Variants in RAB5B observed in about 807,000 individuals in gnomAD.
The protein encoded by RAB5B is RAB5B, member RAS oncogene family.
Under a neutral mutation model 28.6 loss-of-function variants are expected in RAB5B, and 11 were observed. The observed-to-expected ratio is 0.38, with a 90% CI of 0.24 to 0.64. The LOEUF (loss-of-function observed/expected upper bound fraction) is 0.64, where lower values mean the gene tolerates loss of function less well. RAB5B is among the 30% of genes least tolerant of loss of function. The pLI is 0.53. For synonymous variants in RAB5B, 93 were observed against 97.9 expected (o/e 0.95, Z 0.29); for missense variants, 169 against 265.6 (o/e 0.64, Z 2.53).
At position 55,995,993 on chromosome 12, in the gene RAB5B, A is replaced by ATTTTTT. The variant is rs1329207894; in HGVS notation, c.*3782_*3783insTTTTTT. 2.0e-5 allele frequency: 2 copies of ATTTTTT among 101,954 alleles called. No individual in the cohort carries two copies. Among genetic ancestry groups the ATTTTTT allele is most frequent in the Non-Finnish European group, 3.7e-5 (2 of 53,806 alleles). The allele number at this position is 101,954 out of a possible 1,614,324, so 6.3% of individuals were successfully genotyped here. A position where few individuals can be genotyped will look rare whatever the true frequency, so the allele number is the denominator to read the frequency against. On this transcript the variant is annotated 3_prime_UTR_variant, in exon 6 of 6. Coordinates refer to ENST00000360299, the MANE Select transcript of RAB5B (RefSeq NM_002868.4). ...TCTCCATATATATATACATATATATATATATATATATTTTTTTTTTAACAA... is the reference window on the plus strand; with the variant it reads ...TCTCCATATATATATACATATATATATTTTTTTATATATATATTTTTTTTTTAACAA...
At chr12:55,984,727 C>T (rs921548769) in intron 1 of RAB5B, among the ~76,000 whole-genome samples, 2 of 151,994 alleles carry the variant, frequency 1.3e-5, no homozygotes, top group African/African-American at 4.8e-5. Flanking sequence ...TGATCCACCT[C>T]AGCCTCCCAA....
intron 2 of RAB5B, among the ~76,000 whole-genome samples, chr12:55,988,935 C>CTTTTTTTTTTTT (rs35994383): frequency 5.3e-5 from 5 of 94,680 alleles, no homozygotes; most frequent in Non-Finnish European, 8.3e-5. Context: ...CTAATTAATT[C>CTTTTTTTTTTTT]TTTTTTTTTT....
chr12:55,979,176 C>T (rs1019506747), intron 1 of RAB5B, among the ~76,000 whole-genome samples: 1 of 152,038 alleles, frequency 6.6e-6, no homozygotes, highest in African/African-American at 2.4e-5. Context: ...AACATTTGAG[C>T]TTGGTCTTAT....
intron 1 of RAB5B, among the ~76,000 whole-genome samples, chr12:55,983,988 C>T (rs574095055): frequency 3.3e-5 from 5 of 151,982 alleles, no homozygotes; most frequent in South Asian, 2.1e-4. Flanking sequence ...TTCTCTGTAC[C>T]ACTTTCATAT....
At chr12:55,990,948 A>G in intron 4 of RAB5B, 144 bp downstream of exon 4, 1 of 1,072,794 alleles carries the variant, frequency 9.3e-7, no homozygotes, top group Middle Eastern at 3.2e-4. Flanking sequence ...ATACAGCAAC[A>G]CTGTGACCCT....
At position 55,996,003 on chromosome 12, in the gene RAB5B, A is replaced by ATATATATATATATATATATTTTTT; in HGVS notation, c.*3792_*3793insATATATATATATATATATTTTTTT. On this transcript the variant is annotated 3_prime_UTR_variant, in exon 6 of 6. Coordinates refer to ENST00000360299, the MANE Select transcript of RAB5B (RefSeq NM_002868.4). Reference sequence around the variant, plus strand: ...TATATACATATATATATATATATATATTTTTTTTTTAACAACTGGTAGGAT... The same window carrying ATATATATATATATATATATTTTTT: ...TATATACATATATATATATATATATATATATATATATATATATATTTTTTTTTTTTTTTTAACAACTGGTAGGAT... 2.5e-4 allele frequency: 24 copies of ATATATATATATATATATATTTTTT among 97,392 alleles called. No homozygotes were observed. Among genetic ancestry groups the ATATATATATATATATATATTTTTT allele is most frequent in the Non-Finnish European group, 4.0e-4 (20 of 50,470 alleles). 6.0% of individuals were successfully genotyped at this position (97,392 alleles called of 1,614,324 possible). A position where few individuals can be genotyped will look rare whatever the true frequency, so the allele number is the denominator to read the frequency against.
intron 1 of RAB5B, among the ~76,000 whole-genome samples, chr12:55,976,738 G>A (rs753059488): frequency 2.0e-5 from 3 of 152,074 alleles, no homozygotes; most frequent in African/African-American, 4.8e-5. Context: ...TCTTTCTGTA[G>A]GGATCTGAGA....
At chr12:55,980,760 C>A in intron 1 of RAB5B, 1 of 1,579,390 alleles carries the variant, frequency 6.3e-7, no homozygotes, top group Non-Finnish European at 8.7e-7. Context: ...GATTTCTCAT[C>A]CGTGATGTCG....
rs1890235818 is a variant in RAB5B at position 55,994,640 on chromosome 12, G to C, written c.*2428G>C. The C allele has an allele frequency of 6.6e-6, 1 of 152,140 alleles. No individual in the cohort carries two copies. Among genetic ancestry groups the C allele is most frequent in the Non-Finnish European group, 1.5e-5 (1 of 67,978 alleles). 9.4% of individuals were successfully genotyped at this position (152,140 alleles called of 1,614,324 possible). ...CTTCCTCTCCCAACATAACAATCGT[G>C]GTAACAGAATGCGACTGCTGATTTA... On this transcript the variant is annotated 3_prime_UTR_variant, in exon 6 of 6. Coordinates refer to ENST00000360299, the MANE Select transcript of RAB5B (RefSeq NM_002868.4).
At chr12:55,987,471 CTTTTGAAAAGAG>C in intron 2 of RAB5B, among the ~76,000 whole-genome samples, 1 of 152,010 alleles carries the variant, frequency 6.6e-6, no homozygotes. Context: ...GCCGGTAAGG[CTTTTGAAAAGAG>C]ATATAAGACC....
rs545286101 is a variant in RAB5B at position 55,980,523 on chromosome 12, G to A, written c.-92-6346G>A. The A allele has an allele frequency of 1.6e-5, 25 of 1,587,484 alleles. No individual in the cohort carries two copies. The East Asian group carries it at 4.9e-4, about 31-fold the overall frequency. On this transcript the variant is annotated intron_variant, in intron 1 of 5. Transcript: ENST00000360299. ...CCTGATCTCCGGCCTCCTGACTTGA[G>A]CAAGATGTCCCGGGCCAGGGAACTA...
chr12:55,990,011 A>G lies in RAB5B; in HGVS notation c.228A>G (p.Thr76=). 2 of 1,614,106 alleles carry G rather than the reference A, an allele frequency of 1.2e-6. No homozygotes were observed. The highest frequency in any genetic ancestry group is 1.7e-6 in the Non-Finnish European group (2 of 1,179,936). Residue 76 remains threonine (T), a synonymous_variant, in exon 3 of 6, where the codon ACA becomes ACG. Transcript: ENST00000360299. ...CAGTGAAGTTTGAGATCTGGGACAC[A>G]GCTGGGCAGGAGCGATATCACAGCT... ...DTTVKFEIWD[T]AGQERYHSLA... is the part of the protein sequence containing the mutation.
chr12:55,988,179 A>G (rs912805578), intron 2 of RAB5B, among the ~76,000 whole-genome samples: 14 of 151,956 alleles, frequency 9.2e-5, no homozygotes, highest in African/African-American at 3.4e-4. Flanking sequence ...AACAACAACA[A>G]AGATTAGCCG....
intron 4 of RAB5B, chr12:55,991,046 GA>G (rs2136490557): frequency 1.8e-6 from 1 of 543,906 alleles, no homozygotes; most frequent in South Asian, 2.3e-5. Context: ...GTACCAGTGT[GA>G]AAACAGGAAG....
chr12:55,980,666 C>T, intron 1 of RAB5B: 2 of 1,593,606 alleles, frequency 1.3e-6, no homozygotes, highest in Non-Finnish European at 1.7e-6. Flanking sequence ...CTCCATGTCA[C>T]ATTTGTTCCC....
chr12:55,975,878 A>G (rs1889633130), intron 1 of RAB5B, among the ~76,000 whole-genome samples: 1 of 149,482 alleles, frequency 6.7e-6, no homozygotes, highest in Admixed American at 6.7e-5. Context: ...CAGCCTCCCA[A>G]GTAGCTGGGA....
Position 55,993,024 on chromosome 12 carries a change from T to C in RAB5B, c.*812T>C, listed in dbSNP as rs1890183221. The C allele has an allele frequency of 5.7e-6, 1 of 175,766 alleles. No homozygotes were observed. Among genetic ancestry groups the C allele is most frequent in the African/African-American group, 2.4e-5 (1 of 41,506 alleles). 10.9% of individuals were successfully genotyped at this position (175,766 alleles called of 1,614,324 possible). A position where few individuals can be genotyped will look rare whatever the true frequency, so the allele number is the denominator to read the frequency against. On this transcript the variant is annotated 3_prime_UTR_variant, in exon 6 of 6. Transcript: ENST00000360299. ...TTGGACCCCAGAGTCTTCCAAAGAATTTTCACTGGTTGCCTGCATCTTTGG... is the reference window on the plus strand; with the variant it reads ...TTGGACCCCAGAGTCTTCCAAAGAACTTTCACTGGTTGCCTGCATCTTTGG...
chr12:55,988,451 A>G (rs1890017045), intron 2 of RAB5B, among the ~76,000 whole-genome samples: 1 of 152,204 alleles, frequency 6.6e-6, no homozygotes, highest in Non-Finnish European at 1.5e-5. Context: ...TGCTAATTCA[A>G]TAAAGGATCT....
At chr12:55,990,912 C>A in intron 4 of RAB5B, 108 bp downstream of exon 4, 2 of 1,382,302 alleles carry the variant, frequency 1.4e-6, no homozygotes, top group Non-Finnish European at 2.0e-6. Flanking sequence ...TTCATTGTCT[C>A]ATTCCCCAGT....
Sources: allele counts gnomAD v4.1 joint callset (sites outside exome capture counted in the v4.1 genomes callset), GRCh38; gene constraint gnomAD v4.1.1; transcripts MANE v1.5; gene names NCBI Gene and HGNC (gene_info 2026-07-23, HGNC 2026-07-21).